The following SYTL3 variants were observed in gnomAD, a reference collection of about 807,000 sequenced individuals.
The protein encoded by SYTL3 is synaptotagmin-like protein 3.
A neutral mutation model predicts 82.1 loss-of-function variants in SYTL3; 88 were observed. The ratio of observed to expected loss-of-function variants is 1.07; its 90% CI spans 0.90 to 1.28. SYTL3 has a LOEUF of 1.28. Ranked by LOEUF, SYTL3 falls within the 50% of genes most tolerant of loss-of-function variation. The probability of loss-of-function intolerance (pLI) is 0.00; values close to 1 mark genes in which losing one functional copy is unlikely to be tolerated. For synonymous variants in SYTL3, 311 were observed against 289.4 expected (o/e 1.07, Z -0.76); for missense variants, 831 against 757.6 (o/e 1.10, Z -1.14).
At chr6:158,737,018 CTT>C (rs775260630) in intron 11 of SYTL3, among the ~76,000 whole-genome samples, 2 of 140,626 alleles carry the variant, frequency 1.4e-5, no homozygotes, top group Non-Finnish European at 3.0e-5. Flanking sequence ...TATATGTACT[CTT>C]TTGTTATACA....
At chr6:158,703,812 ATATTATTATCATTATTAT>A (rs1781605842) in intron 6 of SYTL3, among the ~76,000 whole-genome samples, 2 of 122,656 alleles carry the variant, frequency 1.6e-5, no homozygotes, top group South Asian at 2.6e-4. Flanking sequence ...AGTGGGTTTT[ATATTATTATCATTATTAT>A]TATTATTATT....
At chr6:158,725,459 T>G (rs771493967) in intron 10 of SYTL3, 44 bp from the exon 11 acceptor site, 1 of 1,601,044 alleles carries the variant, frequency 6.2e-7, no homozygotes, top group Non-Finnish European at 8.5e-7. Context: ...AAAACCAAAC[T>G]GGGATGGAGA....
At chr6:158,663,912 GT>G (rs1789687197) in intron 4 of SYTL3, among the ~76,000 whole-genome samples, 1 of 152,070 alleles carries the variant, frequency 6.6e-6, no homozygotes, top group Admixed American at 6.6e-5. Context: ...TGCTTAGCCT[GT>G]TTCCTGACCG....
chr6:158,661,772 C>G (rs2128362067), intron 3 of SYTL3, among the ~76,000 whole-genome samples: 1 of 152,300 alleles, frequency 6.6e-6, no homozygotes, highest in Non-Finnish European at 1.5e-5. Flanking sequence ...ACAGAAATCA[C>G]AGATATTTTC....
rs76061248 is a variant in SYTL3, at chr6:158,719,048, C to T, written c.720+837C>T. On this transcript the variant is annotated intron_variant, in intron 10 of 17. Transcript: ENST00000611299. ...TCCTGCCTCCCGCTCCAGCCCAGTG[C>T]GCCCCTCTGTAAAATGAAGATGATA... is the stretch of plus-strand genomic sequence containing the variant. 4.3e-3 allele frequency among the ~76,000 whole-genome samples: 654 copies of T among 151,888 alleles called. 4 individuals are homozygous for T. Among genetic ancestry groups the T allele is most frequent in the African/African-American group, 0.015 (622 of 41,162 alleles).
chr6:158,720,337 G>C (rs982186563), intron 10 of SYTL3, among the ~76,000 whole-genome samples: 5 of 144,628 alleles, frequency 3.5e-5, no homozygotes, highest in Non-Finnish European at 6.0e-5. Context: ...CTAGGAGGCA[G>C]AGATTGCAGT....
upstream of SYTL3, among the ~76,000 whole-genome samples, chr6:158,645,061 C>T (rs143951989): frequency 6.6e-6 from 1 of 152,238 alleles, no homozygotes; most frequent in Non-Finnish European, 1.5e-5. Flanking sequence ...CCGGTTTGTA[C>T]TGTGTGGATT....
intron 10 of SYTL3, among the ~76,000 whole-genome samples, chr6:158,724,250 C>G (rs7751659): frequency 0.66 from 100,232 of 152,134 alleles, 34,989 homozygotes; most frequent in African/African-American, 0.88. Flanking sequence ...TAGCATAGTG[C>G]TGTGAATATA....
At chr6:158,652,394 A>G (rs912910305) in intron 2 of SYTL3, among the ~76,000 whole-genome samples, 14 of 152,028 alleles carry the variant, frequency 9.2e-5, no homozygotes, top group African/African-American at 3.1e-4. Flanking sequence ...GACTATAGGC[A>G]CCTGCCGCCA....
intron 6 of SYTL3, among the ~76,000 whole-genome samples, chr6:158,683,225 T>C (rs1778925326): frequency 6.8e-6 from 1 of 146,546 alleles, no homozygotes; most frequent in Non-Finnish European, 1.5e-5. Context: ...CTTTTTTTTT[T>C]TTTTTTTTTT....
In SYTL3 at chr6:158,725,606, C is replaced by T. The variant is rs765945445; in HGVS notation, c.824C>T (p.Pro275Leu). 17 of 1,614,076 alleles carry T rather than the reference C, an allele frequency of 1.1e-5. No individual in the cohort carries two copies. The highest frequency in any genetic ancestry group is 4.2e-6 in the Non-Finnish European group (5 of 1,180,048). Residue 275 changes from proline (P) to leucine (L), a missense_variant, in exon 11 of 18, where the codon CCC becomes CTC. Coordinates refer to ENST00000611299, the MANE Select transcript of SYTL3 (RefSeq NM_001242394.2). ...CAGAATCTCCCATCCAGTCCGGCAC[C>T]CAGTACCATATTCTCTGGAGGTTTT... ...KQQNLPSSPAPSTIFSGGFRH... is the reference protein window; with the variant it reads ...KQQNLPSSPALSTIFSGGFRH...
At chr6:158,715,076 T>G (rs763949026) in intron 9 of SYTL3, among the ~76,000 whole-genome samples, 6 of 152,318 alleles carry the variant, frequency 3.9e-5, no homozygotes, top group Middle Eastern at 3.4e-3. Flanking sequence ...CTGTGCCCCT[T>G]GGCCTGGAAC....
chr6:158,698,632 A>G (rs1303604025), intron 6 of SYTL3, among the ~76,000 whole-genome samples: 2 of 152,142 alleles, frequency 1.3e-5, no homozygotes, highest in Non-Finnish European at 2.9e-5. Flanking sequence ...GTGTGGGTCA[A>G]CCCTCAGGAC....
intron 11 of SYTL3, among the ~76,000 whole-genome samples, chr6:158,730,677 C>T (rs1326575291): frequency 3.3e-5 from 5 of 152,116 alleles, no homozygotes; most frequent in Admixed American, 6.6e-5. Flanking sequence ...ACATACCACG[C>T]GGGCCAGGTA....
chr6:158,725,041 A>T (rs906932802), intron 10 of SYTL3, among the ~76,000 whole-genome samples: 13 of 151,510 alleles, frequency 8.6e-5, no homozygotes, highest in African/African-American at 3.2e-4. Flanking sequence ...AAGAAAAAAT[A>T]AAAAAAGCAT....
Position 158,735,745 on chromosome 6 carries a change from C to A in SYTL3, c.856-9735C>A, listed in dbSNP as rs527583853. On this transcript the variant is annotated intron_variant, in intron 11 of 17. Coordinates refer to ENST00000611299, the MANE Select transcript of SYTL3 (RefSeq NM_001242394.2). ...AACCTCCCAAGTAGGCAAATCAGTG[C>A]AAAATTAAAGCAAGCTGTTATTTTG... Among the ~76,000 whole-genome samples, 7 of 152,258 alleles carry A rather than the reference C, an allele frequency of 4.6e-5. No individual in the cohort carries two copies. The East Asian group carries it at 1.4e-3, about 29-fold the overall frequency.
intron 2 of SYTL3, among the ~76,000 whole-genome samples, chr6:158,654,158 C>T (rs1040650976): frequency 6.6e-6 from 1 of 152,192 alleles, no homozygotes; most frequent in African/African-American, 2.4e-5. Context: ...GAAGCCCTCC[C>T]TGGTCCCACC....
chr6:158,742,839 G>A (rs539529461), intron 11 of SYTL3, among the ~76,000 whole-genome samples: 3 of 152,000 alleles, frequency 2.0e-5, no homozygotes, highest in South Asian at 4.2e-4. Context: ...TGCCCGCCTC[G>A]GCCTCCCAAA....
chr6:158,712,844 C>T (rs576620787), intron 8 of SYTL3, among the ~76,000 whole-genome samples: 20 of 151,360 alleles, frequency 1.3e-4, no homozygotes, highest in South Asian at 6.3e-4. Flanking sequence ...TTGCAAGCTC[C>T]GCCTCCCGGG....
Sources: allele counts gnomAD v4.1 joint callset (sites outside exome capture counted in the v4.1 genomes callset), GRCh38; gene constraint gnomAD v4.1.1; transcripts MANE v1.5; gene names NCBI Gene and HGNC (gene_info 2026-07-23, HGNC 2026-07-21).